Variants in AIG1 observed in about 807,000 individuals in gnomAD.
The protein encoded by AIG1 is androgen-induced gene 1 protein.
AIG1 carries 23 observed loss-of-function variants against 31.4 expected under a neutral mutation model. That is an observed-to-expected ratio of 0.73 (90% CI 0.53 to 1.04). The LOEUF is 1.04. Ranked by LOEUF, AIG1 falls within the 50% of genes least tolerant of loss-of-function variation. The pLI is 0.00. For synonymous variants in AIG1, 100 were observed against 110.5 expected (o/e 0.90, Z 0.60); for missense variants, 274 against 295.0 (o/e 0.93, Z 0.52).
rs556238583 is a variant in AIG1, at chr6:143,193,766, C to T, written c.399+28583C>T. On this transcript the variant is annotated intron_variant, in intron 3 of 5. Coordinates refer to ENST00000357847, the MANE Select transcript of AIG1 (RefSeq NM_016108.4). ...AAGGACAATGATCACAGCTCACTTG[C>T]GTCACATTCCTCCCTCTTGCTGTGC... is the stretch of plus-strand genomic sequence containing the variant. Among the ~76,000 whole-genome samples the T allele has an allele frequency of 1.6e-4, 24 of 152,244 alleles. 2 individuals are homozygous for T. The highest frequency in any genetic ancestry group is 4.3e-4 in the African/African-American group (18 of 41,516).
intron 1 of AIG1, among the ~76,000 whole-genome samples, chr6:143,106,054 A>T (rs917455926): frequency 1.4e-4 from 22 of 152,188 alleles, no homozygotes; most frequent in African/African-American, 4.1e-4. Flanking sequence ...GTACTTTGGA[A>T]TGCAACCTTA....
chr6:143,283,191 T>G (rs1024526426), intron 3 of AIG1, among the ~76,000 whole-genome samples: 1 of 152,336 alleles, frequency 6.6e-6, no homozygotes, highest in Non-Finnish European at 1.5e-5. Flanking sequence ...TTAGTTTCCT[T>G]TCTTCTTACC....
In AIG1 at chr6:143,284,209, G is replaced by T. The variant is rs932911524; in HGVS notation, c.499G>T (p.Val167Phe). ...SGLTAICTFS[V>F]GYILWVCWVH... ...ACTTACCGCCATATGTACCTTCTCT[G>T]TTGGCTATATATTATGGTAAGGACC... Residue 167 changes from valine (V) to phenylalanine (F), a missense_variant, in exon 4 of 6, where the codon GTT (valine) becomes TTT (phenylalanine). Val to Phe is a conservative substitution (Grantham distance 50, BLOSUM62 -1). Transcript: ENST00000357847. This position sits in a 1 kb window ranked among gnomAD's most constrained non-coding sequence, Gnocchi z 4.4. The T allele has an allele frequency of 1.8e-5, 29 of 1,611,992 alleles. No homozygotes were observed. Among genetic ancestry groups the T allele is most frequent in the Non-Finnish European group, 2.3e-5 (27 of 1,178,322 alleles).
intron 3 of AIG1, among the ~76,000 whole-genome samples, chr6:143,269,728 C>T (rs1413444071): frequency 6.6e-6 from 1 of 152,174 alleles, no homozygotes; most frequent in African/African-American, 2.4e-5. Flanking sequence ...CAAAAGAAGA[C>T]ATAACATATG....
intron 3 of AIG1, among the ~76,000 whole-genome samples, chr6:143,255,663 T>C (rs1795329949): frequency 6.6e-6 from 1 of 152,204 alleles, no homozygotes; most frequent in Non-Finnish European, 1.5e-5. Context: ...CATGGGTGGA[T>C]TGGAGGTCAT....
rs1480117349 is a variant in AIG1 at position 143,288,384 on chromosome 6, C to T, written c.515+4159C>T. Among the ~76,000 whole-genome samples, 3 of 152,252 alleles carry T rather than the reference C, an allele frequency of 2.0e-5. No homozygotes were observed. Among genetic ancestry groups the T allele is most frequent in the East Asian group, 3.9e-4 (2 of 5,170 alleles). On this transcript the variant is annotated intron_variant, in intron 4 of 5. Coordinates refer to ENST00000357847, the MANE Select transcript of AIG1 (RefSeq NM_016108.4). This position sits in a 1 kb window ranked among gnomAD's most constrained non-coding sequence, Gnocchi z 4.4. The stretch of plus-strand genomic sequence containing the variant: ...GAGATCTCAGAAGCCATGTATAATA[C>T]GTGCTGATCTCTCAACCCAGGACAC...
chr6:143,211,196 A>G (rs1054045061), intron 3 of AIG1, among the ~76,000 whole-genome samples: 1 of 152,196 alleles, frequency 6.6e-6, no homozygotes, highest in Non-Finnish European at 1.5e-5. Context: ...GTATGGATTG[A>G]AACCCAGGCA....
intron 3 of AIG1, among the ~76,000 whole-genome samples, chr6:143,252,537 T>G (rs1308936145): frequency 6.6e-6 from 1 of 152,192 alleles, no homozygotes; most frequent in Non-Finnish European, 1.5e-5. Flanking sequence ...ATAAATTCCT[T>G]AATATACTAT....
chr6:143,241,822 A>G (rs1014489539), intron 3 of AIG1, among the ~76,000 whole-genome samples: 5 of 152,220 alleles, frequency 3.3e-5, no homozygotes, highest in Non-Finnish European at 7.3e-5. Context: ...AAAACTTCAC[A>G]TGGAGATACC....
rs1795497434 is a variant in AIG1 at position 143,258,190 on chromosome 6, T to TC, written c.400-25916dup. Among the ~76,000 whole-genome samples, 1 of 152,198 alleles carries TC rather than the reference T, an allele frequency of 6.6e-6. No individual in the cohort carries two copies. The highest frequency in any genetic ancestry group is 6.5e-5 in the Admixed American group (1 of 15,286). On this transcript the variant is annotated intron_variant, in intron 3 of 5. Transcript: ENST00000357847. This position sits in a 1 kb window ranked among gnomAD's most constrained non-coding sequence, Gnocchi z 4.7. ...TCTATAAAATGCTAAAGAAGGGCAG[T>TC]CCCCAGTTTCCTCACCTGTAAAATG...
chr6:143,105,846 C>T (rs1285446687), intron 1 of AIG1, among the ~76,000 whole-genome samples: 1 of 152,196 alleles, frequency 6.6e-6, no homozygotes, highest in Non-Finnish European at 1.5e-5. Flanking sequence ...ATGGCAGAAT[C>T]AGGGGACTGA....
At chr6:143,116,704 G>T (rs1470817340) in intron 1 of AIG1, among the ~76,000 whole-genome samples, 1 of 150,070 alleles carries the variant, frequency 6.7e-6, no homozygotes, top group African/African-American at 2.5e-5. Context: ...GGGTTTTATT[G>T]GGGAACTTTC....
At chr6:143,114,187 A>G (rs550656421) in intron 1 of AIG1, among the ~76,000 whole-genome samples, 1 of 152,356 alleles carries the variant, frequency 6.6e-6, no homozygotes, top group Non-Finnish European at 1.5e-5. Flanking sequence ...AGTTAGTAGA[A>G]AAGTATATCT....
intron 2 of AIG1, among the ~76,000 whole-genome samples, chr6:143,143,529 ATATATATAT>A (rs1315781053): frequency 1.0e-3 from 30 of 29,440 alleles, no homozygotes; most frequent in African/African-American, 3.1e-3. Context: ...AAAAAAAAAA[ATATATATAT>A]ATATATATAT....
chr6:143,260,166 G>A (rs1795654676), intron 3 of AIG1, among the ~76,000 whole-genome samples: 1 of 152,036 alleles, frequency 6.6e-6, no homozygotes, highest in Non-Finnish European at 1.5e-5. Context: ...TGGGACTACA[G>A]GTGCCCACCA....
At chr6:143,243,411 G>A (rs1467041919) in intron 3 of AIG1, among the ~76,000 whole-genome samples, 1 of 152,196 alleles carries the variant, frequency 6.6e-6, no homozygotes, top group Non-Finnish European at 1.5e-5. Context: ...AAGGAAGCCT[G>A]TACATTCTTG....
At chr6:143,267,927 C>T (rs531918371) in intron 3 of AIG1, among the ~76,000 whole-genome samples, 44 of 152,268 alleles carry the variant, frequency 2.9e-4, no homozygotes, top group African/African-American at 8.4e-4. Flanking sequence ...GAAGGATCTG[C>T]AGCTGGTTTA....
At chr6:143,332,408 C>T (rs1296109723) in intron 4 of AIG1, among the ~76,000 whole-genome samples, 1 of 152,190 alleles carries the variant, frequency 6.6e-6, no homozygotes, top group Non-Finnish European at 1.5e-5. Flanking sequence ...TCTAACTAAA[C>T]TTTTGAAAGC....
At position 143,297,805 on chromosome 6, in the gene AIG1, G is replaced by A. The variant is rs918537607; in HGVS notation, c.515+13580G>A. On this transcript the variant is annotated intron_variant, in intron 4 of 5. Transcript: ENST00000357847. This position sits in a 1 kb window ranked among gnomAD's most constrained non-coding sequence, Gnocchi z 5.1. ...ATCCTGTCAATCCTCCTACTTAAAA[G>A]TCTTCAATAGTTTATTTTTTCCAGT... Among the ~76,000 whole-genome samples, 5 of 152,100 alleles carry A rather than the reference G, an allele frequency of 3.3e-5. No individual in the cohort carries two copies. Among genetic ancestry groups the A allele is most frequent in the Non-Finnish European group, 7.4e-5 (5 of 68,000 alleles).
Sources: gnomAD v4.1 joint callset for allele counts (sites outside exome capture counted in the v4.1 genomes callset) on GRCh38, gnomAD v4.1.1 for gene constraint, Gnocchi (gnomAD v3.1) non-coding constraint, MANE v1.5 for transcripts, NCBI Gene and HGNC (gene_info 2026-07-23, HGNC 2026-07-21) for gene names.